VTI1A: variants seen among roughly 807,000 people sequenced by gnomAD.
VTI1A encodes the protein vesicle transport through interaction with t-SNAREs homolog 1A.
In VTI1A, 22 loss-of-function variants were observed where a neutral mutation model predicts 34.9. The ratio of observed to expected loss-of-function variants is 0.63; its 90% CI spans 0.45 to 0.90. The LOEUF is 0.90. Among genes scored for constraint, VTI1A ranks in the 40% least tolerant of loss-of-function variants. The pLI, the probability that VTI1A is intolerant of heterozygous loss-of-function variation, is 0.00. For missense variants in VTI1A, 268 were observed against 275.6 expected (o/e 0.97, Z 0.20); for synonymous variants, 87 against 97.3 (o/e 0.89, Z 0.62).
intron 3 of VTI1A, among the ~76,000 whole-genome samples, chr10:112,465,590 A>C (rs1245928689): frequency 6.6e-6 from 1 of 152,248 alleles, no homozygotes; most frequent in African/African-American, 2.4e-5. Context: ...ACATTATGCT[A>C]TGTGAAATAA....
chr10:112,649,032 G>C (rs890276175), intron 5 of VTI1A, among the ~76,000 whole-genome samples: 3 of 152,102 alleles, frequency 2.0e-5, no homozygotes, highest in Non-Finnish European at 2.9e-5. Flanking sequence ...TGTACCTGAA[G>C]TGGAGAATGG....
intron 7 of VTI1A, among the ~76,000 whole-genome samples, chr10:112,732,238 A>G (rs937070909): frequency 3.3e-5 from 5 of 152,214 alleles, no homozygotes; most frequent in African/African-American, 4.8e-5. Flanking sequence ...AGGCAGCTAC[A>G]TCTGGCCTTT....
intron 5 of VTI1A, among the ~76,000 whole-genome samples, chr10:112,639,565 T>G (rs1193043026): frequency 2.6e-5 from 4 of 152,214 alleles, no homozygotes; most frequent in East Asian, 1.9e-4. Flanking sequence ...AACTACCTAA[T>G]TCATTGAAAT....
At chr10:112,667,319 T>C (rs1847677815) in intron 5 of VTI1A, among the ~76,000 whole-genome samples, 1 of 152,072 alleles carries the variant, frequency 6.6e-6, no homozygotes, top group Non-Finnish European at 1.5e-5. Flanking sequence ...GAGGCATCCT[T>C]CTAGTATGGA....
At chr10:112,837,348 G>A in the VTI1A span, among the ~76,000 whole-genome samples, 1 of 152,140 alleles carries the variant, frequency 6.6e-6, no homozygotes, top group African/African-American at 2.4e-5. Context: ...CTGGGAGGGG[G>A]AGGGGATAGA....
chr10:112,734,654 CTTT>C (rs34618895), intron 7 of VTI1A, among the ~76,000 whole-genome samples: 28 of 138,572 alleles, frequency 2.0e-4, no homozygotes, highest in East Asian at 4.1e-4. Flanking sequence ...CAATAAATTT[CTTT>C]TTTTTTTTTT....
chr10:112,842,852 A>G, the VTI1A span, among the ~76,000 whole-genome samples: 1 of 152,182 alleles, frequency 6.6e-6, no homozygotes. Flanking sequence ...GGGGTTGGTC[A>G]TGAAAACAGA....
chr10:112,489,592 G>A (rs962499615), intron 3 of VTI1A, among the ~76,000 whole-genome samples: 1 of 152,184 alleles, frequency 6.6e-6, no homozygotes, highest in Non-Finnish European at 1.5e-5. Context: ...TTAATTAGAA[G>A]TAATTTGTTA....
chr10:112,839,109 G>C, the VTI1A span, among the ~76,000 whole-genome samples: 1 of 152,206 alleles, frequency 6.6e-6, no homozygotes, highest in Non-Finnish European at 1.5e-5. Context: ...GATGGAGCTG[G>C]AGCCTTGTCT....
intron 7 of VTI1A, among the ~76,000 whole-genome samples, chr10:112,673,508 A>G (rs1847929925): frequency 6.6e-6 from 1 of 152,018 alleles, no homozygotes; most frequent in African/African-American, 2.4e-5. Context: ...TCCTTCAGAA[A>G]GTGAATTTTG....
At chr10:112,832,975 T>C in the VTI1A span, among the ~76,000 whole-genome samples, 1 of 152,088 alleles carries the variant, frequency 6.6e-6, no homozygotes, top group Non-Finnish European at 1.5e-5. Flanking sequence ...TGGGTCTGAG[T>C]GAGCAGGAAA....
intron 4 of VTI1A, 84 bp from the exon 5 acceptor site, chr10:112,538,162 T>C: frequency 1.6e-6 from 2 of 1,253,362 alleles, no homozygotes; most frequent in Non-Finnish European, 2.3e-6. Flanking sequence ...TGTTAGGGCA[T>C]ACGAAGGCAT....
intron 5 of VTI1A, among the ~76,000 whole-genome samples, chr10:112,541,992 C>CT (rs199860392): frequency 0.019 from 2,849 of 151,418 alleles, 51 homozygotes; most frequent in Non-Finnish European, 0.025. Flanking sequence ...AAAAGCAGCT[C>CT]TTTTTTTTTG....
Position 112,767,678 on chromosome 10 carries a change from T to G in VTI1A, c.561-47612T>G, listed in dbSNP as rs1851685746. Among the ~76,000 whole-genome samples, 1 of 151,952 alleles carries G rather than the reference T, an allele frequency of 6.6e-6. No homozygotes were observed. The highest frequency in any genetic ancestry group is 1.5e-5 in the Non-Finnish European group (1 of 68,004). Reference sequence around the variant, plus strand: ...CCTGCCTGCCTACCTTATTTCTTCCTTACTCTTTTTTTTTTTCTGTTTCTC... The same window carrying G: ...CCTGCCTGCCTACCTTATTTCTTCCGTACTCTTTTTTTTTTTCTGTTTCTC... On this transcript the variant is annotated intron_variant, in intron 7 of 7. Coordinates refer to ENST00000393077, the MANE Select transcript of VTI1A (RefSeq NM_145206.4). This position sits in a 1 kb window ranked among gnomAD's most constrained non-coding sequence, Gnocchi z 4.0.
chr10:112,590,393 A>T (rs1290780056), intron 5 of VTI1A, among the ~76,000 whole-genome samples: 1 of 152,168 alleles, frequency 6.6e-6, no homozygotes, highest in Non-Finnish European at 1.5e-5. Context: ...AAAGAGATGT[A>T]TAAATTTATT....
chr10:112,796,970 G>A (rs1852696856), intron 7 of VTI1A, among the ~76,000 whole-genome samples: 1 of 152,040 alleles, frequency 6.6e-6, no homozygotes, highest in Non-Finnish European at 1.5e-5. Context: ...CATAGCACAG[G>A]GTAAAAAATA....
chr10:112,552,410 A>G (rs1489270231), intron 5 of VTI1A, among the ~76,000 whole-genome samples: 1 of 152,156 alleles, frequency 6.6e-6, no homozygotes, highest in Non-Finnish European at 1.5e-5. Flanking sequence ...GTTGATGATT[A>G]GGACCTGTTC....
chr10:112,521,654 T>A (rs1336967843), intron 3 of VTI1A, among the ~76,000 whole-genome samples: 1 of 152,084 alleles, frequency 6.6e-6, no homozygotes, highest in Non-Finnish European at 1.5e-5. Context: ...TCTGTTCTTT[T>A]CATTTAGTAC....
intron 5 of VTI1A, among the ~76,000 whole-genome samples, chr10:112,541,336 T>C (rs1850861746): frequency 6.6e-6 from 1 of 152,212 alleles, no homozygotes; most frequent in African/African-American, 2.4e-5. Flanking sequence ...TGTGTTCTTA[T>C]ATTTGCAAAA....
Sources: gnomAD v4.1 joint callset for allele counts (sites outside exome capture counted in the v4.1 genomes callset) on GRCh38, gnomAD v4.1.1 for gene constraint, Gnocchi (gnomAD v3.1) non-coding constraint, MANE v1.5 for transcripts, NCBI Gene and HGNC (gene_info 2026-07-23, HGNC 2026-07-21) for gene names.